Variants in SV2C observed in about 807,000 individuals in gnomAD.
SV2C encodes synaptic vesicle glycoprotein 2C.
A neutral mutation model predicts 79.7 loss-of-function variants in SV2C; 49 were observed. That is an observed-to-expected ratio of 0.61 (90% CI 0.49 to 0.78). The LOEUF is 0.78. Among genes scored for constraint, SV2C ranks in the 30% least tolerant of loss-of-function variants. The pLI, the probability that SV2C is intolerant of heterozygous loss-of-function variation, is 0.00. For missense variants in SV2C, 833 were observed against 912.9 expected (o/e 0.91, Z 1.13); for synonymous variants, 334 against 333.2 (o/e 1.00, Z -0.03).
the SV2C span, among the ~76,000 whole-genome samples, chr5:76,050,730 A>G: frequency 1.3e-5 from 2 of 152,142 alleles, no homozygotes; most frequent in Non-Finnish European, 2.9e-5. Flanking sequence ...ATTACATTTT[A>G]TCTGTGTGTT....
chr5:75,852,957 A>C, the SV2C span, among the ~76,000 whole-genome samples: 1 of 152,208 alleles, frequency 6.6e-6, no homozygotes, highest in African/African-American at 2.4e-5. Context: ...AAAATAAGTA[A>C]TAAATACACA....
At position 76,330,458 on chromosome 5, in the gene SV2C, G is replaced by C. The variant is rs137910400; in HGVS notation, c.*4911G>C. ...GTGATACGTATTGAGACACTGCTGT[G>C]TGCAATAATTAAGCCTATGGAGGAC... On this transcript the variant is annotated 3_prime_UTR_variant, in exon 13 of 13. Transcript: ENST00000502798. The C allele has an allele frequency of 1.3e-5, 2 of 152,134 alleles. No individual in the cohort carries two copies. The highest frequency in any genetic ancestry group is 3.9e-4 in the East Asian group (2 of 5,174). The allele number at this position is 152,134 out of a possible 1,614,324, so 9.4% of individuals were successfully genotyped here.
At chr5:75,860,048 C>G in the SV2C span, among the ~76,000 whole-genome samples, 1 of 152,140 alleles carries the variant, frequency 6.6e-6, no homozygotes, top group Admixed American at 6.5e-5. Context: ...CTCTTTCTAA[C>G]TCCTTTGTCT....
intron 4 of SV2C, among the ~76,000 whole-genome samples, chr5:76,210,422 C>G (rs750560170): frequency 2.6e-5 from 4 of 152,190 alleles, no homozygotes; most frequent in Non-Finnish European, 4.4e-5. Flanking sequence ...CTCAGGGAAA[C>G]AACTCTCATT....
chr5:75,902,157 G>A, the SV2C span, among the ~76,000 whole-genome samples: 3,116 of 152,306 alleles, frequency 0.02, 119 homozygotes, highest in African/African-American at 0.071. Flanking sequence ...AGATGGAAAT[G>A]CAGAAATCAC....
intron 4 of SV2C, among the ~76,000 whole-genome samples, chr5:76,275,117 G>T (rs551990472): frequency 6.6e-6 from 1 of 152,206 alleles, no homozygotes; most frequent in South Asian, 2.1e-4. Context: ...AGAACCTTGG[G>T]TTTGTGTCTT....
chr5:76,114,494 G>A (rs944190128), intron 1 of SV2C, among the ~76,000 whole-genome samples: 71 of 152,180 alleles, frequency 4.7e-4, no homozygotes, highest in Non-Finnish European at 2.1e-4. Flanking sequence ...GTTTCCTGAG[G>A]TCCAGGAAAA....
At chr5:76,242,365 G>A in intron 4 of SV2C, 11 of 1,137,646 alleles carry the variant, frequency 9.7e-6, no homozygotes, top group South Asian at 7.6e-5. Flanking sequence ...GGCTTTGGTC[G>A]GACCGGGGGT....
At chr5:76,243,952 T>C (rs1420870028) in intron 4 of SV2C, among the ~76,000 whole-genome samples, 1 of 152,198 alleles carries the variant, frequency 6.6e-6, no homozygotes, top group Non-Finnish European at 1.5e-5. Context: ...GTTTGAAATG[T>C]TCTCTCAAAC....
chr5:76,067,766 T>A, the SV2C span, among the ~76,000 whole-genome samples: 287 of 152,218 alleles, frequency 1.9e-3, 1 homozygote, highest in Non-Finnish European at 3.1e-3. Flanking sequence ...TATCTTTTAG[T>A]AAAATGTTGT....
intron 3 of SV2C, among the ~76,000 whole-genome samples, chr5:76,199,205 G>T (rs933298604): frequency 5.9e-5 from 9 of 151,892 alleles, no homozygotes; most frequent in African/African-American, 2.2e-4. Flanking sequence ...TCTCATCCTA[G>T]AGACCTTAAA....
chr5:76,034,627 G>A, the SV2C span, among the ~76,000 whole-genome samples: 77 of 152,272 alleles, frequency 5.1e-4, no homozygotes, highest in African/African-American at 1.8e-3. Context: ...TAAGCTTTTC[G>A]ATGTGCTGCT....
chr5:76,122,592 T>C (rs1748552028), intron 1 of SV2C, among the ~76,000 whole-genome samples: 1 of 152,072 alleles, frequency 6.6e-6, no homozygotes, highest in South Asian at 2.1e-4. Flanking sequence ...CTCAACTACA[T>C]GGAAACTGAA....
At chr5:76,269,617 CA>C (rs1400289210) in intron 4 of SV2C, among the ~76,000 whole-genome samples, 7 of 152,268 alleles carry the variant, frequency 4.6e-5, no homozygotes, top group Non-Finnish European at 7.3e-5. Context: ...TATCCTTTGC[CA>C]AAACTGTCAT....
At chr5:75,963,795 CA>C in the SV2C span, among the ~76,000 whole-genome samples, 1 of 152,054 alleles carries the variant, frequency 6.6e-6, no homozygotes, top group African/African-American at 2.4e-5. Flanking sequence ...GCCTATAAGC[CA>C]AATGTCAGAC....
intron 4 of SV2C, chr5:76,241,876 A>G (rs1193480443): frequency 8.3e-6 from 5 of 599,000 alleles, no homozygotes; most frequent in Non-Finnish European, 1.5e-5. Context: ...AAAAACAACA[A>G]TGAAGTGTTC....
the SV2C span, among the ~76,000 whole-genome samples, chr5:75,851,311 A>C: frequency 6.6e-6 from 1 of 152,208 alleles, no homozygotes; most frequent in African/African-American, 2.4e-5. Context: ...TGCTATGTGC[A>C]TAGCTGAACT....
In SV2C at chr5:76,326,739, A is replaced by C. The variant is rs1292084660; in HGVS notation, c.*1192A>C. On this transcript the variant is annotated 3_prime_UTR_variant, in exon 13 of 13. Coordinates refer to ENST00000502798, the MANE Select transcript of SV2C (RefSeq NM_014979.4). ...CTGCACTCCTGAGGGCCCCTCTCAC[A>C]GACAGACCATCTCCCTGTGGTTGTT... 6.6e-5 allele frequency: 10 copies of C among 152,324 alleles called. No homozygotes were observed. Among genetic ancestry groups the C allele is most frequent in the Admixed American group, 6.6e-4 (10 of 15,258 alleles). The allele number at this position is 152,324 out of a possible 1,614,324, so 9.4% of individuals were successfully genotyped here. A position where few individuals can be genotyped will look rare whatever the true frequency, so the allele number is the denominator to read the frequency against.
the SV2C span, among the ~76,000 whole-genome samples, chr5:75,949,506 A>G: frequency 0.53 from 80,682 of 151,902 alleles, 22,339 homozygotes; most frequent in Middle Eastern, 0.62. Context: ...CTCACCTTCA[A>G]TTGTAGCTCC....
Sources: allele counts gnomAD v4.1 joint callset (sites outside exome capture counted in the v4.1 genomes callset), GRCh38; gene constraint gnomAD v4.1.1; transcripts MANE v1.5; gene names NCBI Gene and HGNC (gene_info 2026-07-23, HGNC 2026-07-21).